The following HHAT variants were observed in gnomAD, a reference collection of about 807,000 sequenced individuals.
HHAT encodes the protein hedgehog acyltransferase, also known as protein-cysteine N-palmitoyltransferase HHAT.
HHAT carries 47 observed loss-of-function variants against 70.8 expected under a neutral mutation model. That is an observed-to-expected ratio of 0.66 (90% CI 0.53 to 0.85). HHAT has a LOEUF of 0.85. Among genes scored for constraint, HHAT ranks in the 40% least tolerant of loss-of-function variants. The probability of loss-of-function intolerance (pLI) is 0.00; values close to 1 mark genes in which losing one functional copy is unlikely to be tolerated. For missense variants in HHAT, 609 were observed against 604.8 expected (o/e 1.01, Z -0.07); for synonymous variants, 228 against 247.6 (o/e 0.92, Z 0.74).
At chr1:210,373,696 G>GTT (rs1214801829) in intron 3 of HHAT, among the ~76,000 whole-genome samples, 1 of 152,224 alleles carries the variant, frequency 6.6e-6, no homozygotes, top group Non-Finnish European at 1.5e-5. Context: ...GTGGAAACCA[G>GTT]TTTACACCAA....
intron 9 of HHAT, among the ~76,000 whole-genome samples, chr1:210,559,076 C>T (rs2095598447): frequency 6.6e-6 from 1 of 152,188 alleles, no homozygotes; most frequent in Non-Finnish European, 1.5e-5. Context: ...TTGTTACGTG[C>T]TTGGCATTCC....
At chr1:210,558,982 T>G (rs867798191) in intron 9 of HHAT, among the ~76,000 whole-genome samples, 4 of 152,228 alleles carry the variant, frequency 2.6e-5, no homozygotes, top group Non-Finnish European at 5.9e-5. Context: ...TATCAATTAG[T>G]GACTCATGGA....
intron 1 of HHAT, among the ~76,000 whole-genome samples, chr1:210,340,836 G>A (rs888595118): frequency 3.3e-5 from 5 of 152,158 alleles, no homozygotes; most frequent in Non-Finnish European, 5.9e-5. Context: ...AATGAGTCCA[G>A]TACACTCTGT....
intron 4 of HHAT, among the ~76,000 whole-genome samples, chr1:210,393,973 G>GT (rs570908663): frequency 2.4e-4 from 37 of 152,232 alleles, no homozygotes; most frequent in African/African-American, 8.7e-4. Context: ...TCGGGTAGTT[G>GT]TTTTTGGTAC....
chr1:210,446,850 G>A (rs1018394432), intron 7 of HHAT, among the ~76,000 whole-genome samples: 1 of 152,252 alleles, frequency 6.6e-6, no homozygotes, highest in Non-Finnish European at 1.5e-5. Context: ...TTTTCTGTGC[G>A]TAGGACTCAT....
At chr1:210,668,470 A>T (rs1019286506) in intron 11 of HHAT, among the ~76,000 whole-genome samples, 9 of 152,178 alleles carry the variant, frequency 5.9e-5, no homozygotes, top group South Asian at 2.1e-4. Flanking sequence ...TCTCATGAGA[A>T]CTGATGGTTT....
At chr1:210,448,234 A>T (rs2093674811) in intron 7 of HHAT, among the ~76,000 whole-genome samples, 1 of 152,042 alleles carries the variant, frequency 6.6e-6, no homozygotes, top group Non-Finnish European at 1.5e-5. Context: ...GGCGCCTGCC[A>T]CCATGCCTGG....
intron 9 of HHAT, among the ~76,000 whole-genome samples, chr1:210,575,355 T>C (rs988323506): frequency 1.3e-5 from 2 of 152,182 alleles, no homozygotes; most frequent in African/African-American, 4.8e-5. Flanking sequence ...GTTATTAAAC[T>C]GAGGCTTCAA....
At chr1:210,375,678 T>C (rs911156597) in intron 3 of HHAT, among the ~76,000 whole-genome samples, 1 of 152,096 alleles carries the variant, frequency 6.6e-6, no homozygotes, top group Non-Finnish European at 1.5e-5. Flanking sequence ...TTTTTTGCCA[T>C]TATTTCTTTG....
chr1:210,329,041 G>C lies in HHAT; in HGVS notation c.-107G>C. The C allele has an allele frequency of 7.0e-7, 1 of 1,431,716 alleles. No individual in the cohort carries two copies. Among genetic ancestry groups the C allele is most frequent in the East Asian group, 3.0e-5 (1 of 33,188 alleles). 88.7% of individuals were successfully genotyped at this position (1,431,716 alleles called of 1,614,324 possible). Reference sequence around the variant, plus strand: ...GCTGGGACTCGGAAGTGCCGAAAGAGGGGTGTTGGGAACTCGCGGCGCGCG... The same window carrying C: ...GCTGGGACTCGGAAGTGCCGAAAGACGGGTGTTGGGAACTCGCGGCGCGCG... On this transcript the variant is annotated 5_prime_UTR_variant, in exon 1 of 12. Coordinates refer to ENST00000261458, the MANE Select transcript of HHAT (RefSeq NM_018194.6).
intron 8 of HHAT, among the ~76,000 whole-genome samples, chr1:210,475,024 T>G (rs990697797): frequency 1.9e-5 from 2 of 102,996 alleles, no homozygotes; most frequent in South Asian, 5.7e-4. Flanking sequence ...CTATTTTTTT[T>G]GTTTTTTTTT....
At chr1:210,478,827 G>T (rs75324808) in intron 8 of HHAT, among the ~76,000 whole-genome samples, 1 of 152,116 alleles carries the variant, frequency 6.6e-6, no homozygotes, top group East Asian at 1.9e-4. Context: ...GGATACTCTG[G>T]AACTGTTGGC....
chr1:210,376,096 C>T (rs2148093130), intron 3 of HHAT, among the ~76,000 whole-genome samples: 1 of 148,890 alleles, frequency 6.7e-6, no homozygotes, highest in South Asian at 2.1e-4. Context: ...AACTCCTGGC[C>T]TCAAGTGATC....
chr1:210,463,327 C>T (rs779134430), intron 7 of HHAT, among the ~76,000 whole-genome samples: 1 of 152,170 alleles, frequency 6.6e-6, no homozygotes, highest in Admixed American at 6.5e-5. Flanking sequence ...TTGCTGCCCT[C>T]TCTCCCCAAG....
At position 210,336,287 on chromosome 1, in the gene HHAT, A is replaced by ATTTTTTTT. The variant is rs541795412; in HGVS notation, c.-44+7199_-44+7206dup. Among the ~76,000 whole-genome samples the ATTTTTTTT allele has an allele frequency of 6.7e-3, 563 of 84,580 alleles. 58 individuals are homozygous for ATTTTTTTT. The highest frequency in any genetic ancestry group is 0.018 in the African/African-American group (387 of 22,082). 55.5% of individuals were successfully genotyped at this position (84,580 alleles called of 152,430 possible). On this transcript the variant is annotated intron_variant, in intron 1 of 11. Coordinates refer to ENST00000261458, the MANE Select transcript of HHAT (RefSeq NM_018194.6). ...AGGCATGCACCACTGTGCCTGGCTA[A>ATTTTTTTT]TTTTTTTTTTTTTTTTTTTTTTTAG...
At chr1:210,368,121 G>A (rs1173875571) in intron 3 of HHAT, among the ~76,000 whole-genome samples, 2 of 152,070 alleles carry the variant, frequency 1.3e-5, no homozygotes, top group African/African-American at 4.8e-5. Flanking sequence ...CTAGACAGTA[G>A]CATCTGAACC....
chr1:210,658,922 G>A (rs985292198), intron 11 of HHAT, among the ~76,000 whole-genome samples: 18 of 152,100 alleles, frequency 1.2e-4, no homozygotes, highest in African/African-American at 4.3e-4. Flanking sequence ...AGAATCTCTG[G>A]GACACATGTA....
Position 210,676,157 on chromosome 1 carries a change from A to G in HHAT, c.*1778A>G, listed in dbSNP as rs1048428299. The G allele has an allele frequency of 7.2e-5, 11 of 152,230 alleles. No homozygotes were observed. Among genetic ancestry groups the G allele is most frequent in the Non-Finnish European group, 1.5e-4 (10 of 68,040 alleles). The allele number at this position is 152,230 out of a possible 1,614,324, so 9.4% of individuals were successfully genotyped here. A position where few individuals can be genotyped will look rare whatever the true frequency, so the allele number is the denominator to read the frequency against. ...AAGTATACCATTTATATACAAACAA[A>G]TAGGTTTATTCATTCATTAAACTAC... On this transcript the variant is annotated 3_prime_UTR_variant, in exon 12 of 12. Transcript: ENST00000261458.
At chr1:210,423,519 ACT>A (rs2092966936) in intron 7 of HHAT, among the ~76,000 whole-genome samples, 1 of 151,854 alleles carries the variant, frequency 6.6e-6, no homozygotes. Flanking sequence ...TTGTCTTTTC[ACT>A]CTGTTGTTTC....
Sources: allele counts gnomAD v4.1 joint callset (sites outside exome capture counted in the v4.1 genomes callset), GRCh38; gene constraint gnomAD v4.1.1; transcripts MANE v1.5; gene names NCBI Gene and HGNC (gene_info 2026-07-23, HGNC 2026-07-21).